B3GALT1: variants seen among roughly 807,000 people sequenced by gnomAD.
B3GALT1 encodes UDP-Gal:betaGlcNAc beta 1,3-galactosyltransferase, polypeptide 1.
Under a neutral mutation model 23.2 loss-of-function variants are expected in B3GALT1, and 10 were observed. The ratio of observed to expected loss-of-function variants is 0.43; its 90% CI spans 0.27 to 0.73. B3GALT1 has a LOEUF of 0.73. B3GALT1 is among the 30% of genes least tolerant of loss of function. The probability of loss-of-function intolerance (pLI) is 0.21; values close to 1 mark genes in which losing one functional copy is unlikely to be tolerated. For synonymous variants in B3GALT1, 156 were observed against 141.5 expected, an observed-to-expected ratio of 1.10 and a Z score of -0.73; for missense variants, 299 against 405.4, an observed-to-expected ratio of 0.74 and a Z score of 2.25.
chr2:167,496,459 C>A (rs143803899), intron 2 of B3GALT1, among the ~76,000 whole-genome samples: 3 of 151,850 alleles, frequency 2.0e-5, no homozygotes, highest in Admixed American at 1.3e-4. Flanking sequence ...GGCTAATTAC[C>A]GTGAGAAGAA....
intron 2 of B3GALT1, among the ~76,000 whole-genome samples, chr2:167,521,287 T>C (rs763593164): frequency 3.3e-5 from 5 of 152,198 alleles, no homozygotes; most frequent in African/African-American, 4.8e-5. Context: ...AGAGATCTTA[T>C]AACAAGTGAG....
chr2:167,622,035 G>A lies in B3GALT1; in HGVS notation c.-409-24874G>A, dbSNP rs572245829. Among the ~76,000 whole-genome samples the A allele has an allele frequency of 2.6e-5, 4 of 152,162 alleles. No homozygotes were observed. In the Middle Eastern group the frequency reaches 0.01, roughly 388 times the overall value. On this transcript the variant is annotated intron_variant, in intron 2 of 4. Coordinates refer to ENST00000392690, the MANE Select transcript of B3GALT1 (RefSeq NM_020981.4). ...ATACAGAAGTATATACATCAGCAGA[G>A]ACATACATAAACATATTATATCATA...
At chr2:167,366,767 T>C (rs930769886) in intron 1 of B3GALT1, among the ~76,000 whole-genome samples, 1 of 152,148 alleles carries the variant, frequency 6.6e-6, no homozygotes, top group Non-Finnish European at 1.5e-5. Flanking sequence ...TTCACACATG[T>C]GTATGTCTGG....
At chr2:167,652,352 T>G (rs1422009056) in intron 3 of B3GALT1, among the ~76,000 whole-genome samples, 1 of 152,184 alleles carries the variant, frequency 6.6e-6, no homozygotes. Flanking sequence ...GAATTCTAGC[T>G]CTGCCACTAT....
chr2:167,765,060 G>A (rs1687956236), intron 3 of B3GALT1, among the ~76,000 whole-genome samples: 1 of 152,156 alleles, frequency 6.6e-6, no homozygotes, highest in African/African-American at 2.4e-5. Context: ...ATTTTGGAAG[G>A]AGTAGGGACT....
At chr2:167,673,674 A>C (rs1686373702) in intron 3 of B3GALT1, among the ~76,000 whole-genome samples, 1 of 152,046 alleles carries the variant, frequency 6.6e-6, no homozygotes, top group Non-Finnish European at 1.5e-5. Flanking sequence ...AAAGGGTCTT[A>C]AACAAATACT....
intron 2 of B3GALT1, among the ~76,000 whole-genome samples, chr2:167,595,856 G>A (rs1684764933): frequency 6.6e-6 from 1 of 152,184 alleles, no homozygotes; most frequent in African/African-American, 2.4e-5. Context: ...GTCTCTTTCT[G>A]TGTTAGCATC....
At chr2:167,399,658 A>G (rs922460523) in intron 1 of B3GALT1, among the ~76,000 whole-genome samples, 1 of 152,020 alleles carries the variant, frequency 6.6e-6, no homozygotes, top group African/African-American at 2.4e-5. Context: ...TTTCAATTAT[A>G]TAGCAAATCC....
intron 3 of B3GALT1, among the ~76,000 whole-genome samples, chr2:167,758,678 A>G (rs1356432713): frequency 1.3e-5 from 2 of 151,292 alleles, no homozygotes; most frequent in Non-Finnish European, 2.9e-5. Context: ...TTTTTTCCCT[A>G]TGAATCTCTT....
In B3GALT1 at chr2:167,380,866, C is replaced by T. The variant is rs140096919; in HGVS notation, c.-511+87532C>T. 5.3e-4 allele frequency among the ~76,000 whole-genome samples: 81 copies of T among 152,232 alleles called. No individual in the cohort carries two copies. In the East Asian group the frequency reaches 5.6e-3, roughly 11 times the overall value. ...CATCAATCAGATGCTATCATGGGAGCTGTTTGTTGGCATTCTCGCCTCTGG... is the reference window on the plus strand; with the variant it reads ...CATCAATCAGATGCTATCATGGGAGTTGTTTGTTGGCATTCTCGCCTCTGG... On this transcript the variant is annotated intron_variant, in intron 1 of 4. Transcript: ENST00000392690.
intron 1 of B3GALT1, among the ~76,000 whole-genome samples, chr2:167,424,720 T>C (rs1056002774): frequency 1.3e-5 from 2 of 152,238 alleles, no homozygotes; most frequent in African/African-American, 4.8e-5. Context: ...ACAATGAGAA[T>C]GTATACTTTT....
At chr2:167,863,836 A>G (rs558642711) in intron 4 of B3GALT1, among the ~76,000 whole-genome samples, 1 of 152,128 alleles carries the variant, frequency 6.6e-6, no homozygotes, top group Non-Finnish European at 1.5e-5. Flanking sequence ...TCAGACTTCA[A>G]ATTCTCTGTT....
intron 3 of B3GALT1, among the ~76,000 whole-genome samples, chr2:167,780,801 CA>C (rs1688233731): frequency 6.6e-6 from 1 of 152,164 alleles, no homozygotes; most frequent in African/African-American, 2.4e-5. Flanking sequence ...ATCTGACAGG[CA>C]GCATGAATTA....
intron 4 of B3GALT1, among the ~76,000 whole-genome samples, chr2:167,845,817 C>T (rs1689746671): frequency 6.6e-6 from 1 of 151,472 alleles, no homozygotes; most frequent in African/African-American, 2.4e-5. Flanking sequence ...AGGGAGGCAC[C>T]AGAGAAAGGC....
intron 1 of B3GALT1, among the ~76,000 whole-genome samples, chr2:167,343,917 C>T (rs1026146587): frequency 6.6e-6 from 1 of 152,106 alleles, no homozygotes; most frequent in Non-Finnish European, 1.5e-5. Flanking sequence ...GTCCTTTGCC[C>T]ACATACACTC....
chr2:167,379,513 A>C (rs1403896632), intron 1 of B3GALT1, among the ~76,000 whole-genome samples: 1 of 151,958 alleles, frequency 6.6e-6, no homozygotes, highest in Non-Finnish European at 1.5e-5. Flanking sequence ...AGCCGTGTGC[A>C]CTTCTCTTGG....
intron 4 of B3GALT1, among the ~76,000 whole-genome samples, chr2:167,859,971 A>C (rs1690067581): frequency 6.6e-6 from 1 of 152,198 alleles, no homozygotes; most frequent in Non-Finnish European, 1.5e-5. Flanking sequence ...ATAATGGTTT[A>C]TGAAATTCTT....
intron 2 of B3GALT1, among the ~76,000 whole-genome samples, chr2:167,617,988 C>A (rs1186590762): frequency 6.6e-6 from 1 of 152,026 alleles, no homozygotes; most frequent in Non-Finnish European, 1.5e-5. Context: ...TTTACCACAT[C>A]CTGGCTTTCT....
At chr2:167,614,146 C>A (rs1685116458) in intron 2 of B3GALT1, among the ~76,000 whole-genome samples, 2 of 150,678 alleles carry the variant, frequency 1.3e-5, no homozygotes, top group Non-Finnish European at 1.5e-5. Flanking sequence ...TGTATGACAC[C>A]TAAGGAAAAC....
Sources: gnomAD v4.1 joint callset for allele counts (sites outside exome capture counted in the v4.1 genomes callset) on GRCh38, gnomAD v4.1.1 for gene constraint, MANE v1.5 for transcripts, NCBI Gene and HGNC (gene_info 2026-07-23, HGNC 2026-07-21) for gene names.